CACNB1: variants seen among roughly 807,000 people sequenced by gnomAD.
CACNB1 encodes the protein calcium voltage-gated channel auxiliary subunit beta 1.
CACNB1 carries 29 observed loss-of-function variants against 71.6 expected under a neutral mutation model. The ratio of observed to expected loss-of-function variants is 0.40; its 90% CI spans 0.30 to 0.55. The LOEUF is 0.55. CACNB1 is among the 20% of genes least tolerant of loss of function. CACNB1 has a pLI of 0.38. For missense variants in CACNB1, 623 were observed against 801.8 expected (o/e 0.78, Z 2.69); for synonymous variants, 300 against 319.6 (o/e 0.94, Z 0.65).
In CACNB1 at chr17:39,191,128, C is replaced by A. The variant is rs541991402; in HGVS notation, c.291+346G>T. Among the ~76,000 whole-genome samples the A allele has an allele frequency of 3.9e-5, 6 of 152,058 alleles. No individual in the cohort carries two copies. In the East Asian group the frequency reaches 7.7e-4, roughly 20 times the overall value. ...CTGAGGCAGGAGAATGGCGTGAACC[C>A]GGGAGGCGGAGCTTGCAGTGAGCCG... On this transcript the variant is annotated intron_variant, in intron 3 of 13. Transcript: ENST00000394303.
chr17:39,189,895 A>G (rs1320436855), intron 3 of CACNB1, among the ~76,000 whole-genome samples: 1 of 137,056 alleles, frequency 7.3e-6, no homozygotes, highest in Non-Finnish European at 1.6e-5. Flanking sequence ...GCAGATCACC[A>G]GGTCAGGAGT....
chr17:39,192,251 A>G (rs2046098823), intron 2 of CACNB1: 1 of 152,742 alleles, frequency 6.5e-6, no homozygotes, highest in African/African-American at 2.4e-5. Flanking sequence ...CGAAGAGGCA[A>G]GTTAAGAGCA....
Position 39,197,438 on chromosome 17 carries a change from T to G in CACNB1, c.58A>C (p.Met20Leu). 5 of 1,480,192 alleles carry G rather than the reference T, an allele frequency of 3.4e-6. No homozygotes were observed. Among genetic ancestry groups the G allele is most frequent in the Non-Finnish European group, 4.5e-6 (5 of 1,119,880 alleles). The allele number at this position is 1,480,192 out of a possible 1,614,324, so 91.7% of individuals were successfully genotyped here. A position where few individuals can be genotyped will look rare whatever the true frequency, so the allele number is the denominator to read the frequency against. ...TGCGGGCTGGGGTCGAAGACCTCCA[T>G]GGGGATCTCCTGGGAGGGTGGGTAA... ...GPYPPSQEIP[M>L]EVFDPSPQGK... The change falls in exon 1 of 14, where the codon ATG (methionine) becomes CTG (leucine). Residue 20 changes from methionine to leucine, a missense_variant. By Grantham distance (15) the Met-to-Leu change is conservative (BLOSUM62 2). Transcript: ENST00000394303.
At position 39,187,572 on chromosome 17, in the gene CACNB1, T is replaced by C. The variant is rs1350008452; in HGVS notation, c.321A>G (p.Thr107=). Reference sequence around the variant, plus strand: ...CTGGAGACGGATTGTAGCCAACATTTGTCCGCACAGCAAATGCCACTGGCT... The same window carrying C: ...CTGGAGACGGATTGTAGCCAACATTCGTCCGCACAGCAAATGCCACTGGCT... ...KTKPVAFAVR[T]NVGYNPSPGD... The change falls in exon 4 of 14, where the codon ACA becomes ACG. Residue 107 remains threonine, a synonymous_variant. Coordinates refer to ENST00000394303, the MANE Select transcript of CACNB1 (RefSeq NM_000723.5). 6.2e-7 allele frequency: 1 copy of C among 1,614,066 alleles called. No homozygotes were observed. Among genetic ancestry groups the C allele is most frequent in the African/African-American group, 1.3e-5 (1 of 74,926 alleles).
At chr17:39,188,571 C>CA (rs35050861) in intron 3 of CACNB1, among the ~76,000 whole-genome samples, 32 of 112,694 alleles carry the variant, frequency 2.8e-4, no homozygotes, top group Non-Finnish European at 3.5e-4. Context: ...GAGACTCCGT[C>CA]AAAAAAAAAA....
At position 39,197,633 on chromosome 17, in the gene CACNB1, C is replaced by T. The variant is rs916281921; in HGVS notation, c.-138G>A. On this transcript the variant is annotated 5_prime_UTR_variant, in exon 1 of 14. Coordinates refer to ENST00000394303, the MANE Select transcript of CACNB1 (RefSeq NM_000723.5). ...ACCCAGCTCGGCCTTCGGCTGCCTC[C>T]TTCCTGCCTTCCCTCGCTCCTCCCG... 2 of 597,888 alleles carry T rather than the reference C, an allele frequency of 3.3e-6. No individual in the cohort carries two copies. The highest frequency in any genetic ancestry group is 5.7e-6 in the Non-Finnish European group (2 of 350,800). 37.0% of individuals were successfully genotyped at this position (597,888 alleles called of 1,614,324 possible). A position where few individuals can be genotyped will look rare whatever the true frequency, so the allele number is the denominator to read the frequency against.
intron 4 of CACNB1, 151 bp from the exon 5 acceptor site, chr17:39,187,080 T>C: frequency 3.9e-6 from 3 of 762,326 alleles, no homozygotes; most frequent in Non-Finnish European, 6.3e-6. Context: ...AGCCTCTGAG[T>C]GGAGCTGCCA....
At chr17:39,191,684 C>T (rs1354290322) in intron 2 of CACNB1, 91 bp from the exon 3 acceptor site, 36 of 1,367,376 alleles carry the variant, frequency 2.6e-5, no homozygotes, top group Non-Finnish European at 1.7e-5. Flanking sequence ...ATCATGGATG[C>T]CTCGAGCCCC....
chr17:39,193,703 T>C (rs557350789), intron 2 of CACNB1: 255 of 222,674 alleles, frequency 1.1e-3, no homozygotes, highest in African/African-American at 5.1e-3. Context: ...GGGGTCTGAC[T>C]CCCTGGGTTG....
rs753569586 is a variant in CACNB1 at position 39,186,805 on chromosome 17, C to T, written c.539G>A (p.Arg180His). Reference protein sequence around the residue: ...LLQEQKLRQNRLGSSKSGDNS... With the variant: ...LLQEQKLRQNHLGSSKSGDNS... ...CCCACCCAGACACCTGGAGCCGAGG[C>T]GGTTCTGGCGCAGCTTCTGTTCCTG... Residue 180 changes from arginine (R) to histidine (H), a missense_variant, in exon 5 of 14, where the codon CGC (arginine) becomes CAC (histidine). By Grantham distance (29) the Arg-to-His change is conservative. Transcript: ENST00000394303. The surrounding 1 kb of genome is among the most constrained non-coding windows in gnomAD (Gnocchi z 4.1). 5.0e-6 allele frequency: 8 copies of T among 1,613,906 alleles called. No homozygotes were observed. In the South Asian group the frequency reaches 6.6e-5, roughly 13 times the overall value.
intron 3 of CACNB1, among the ~76,000 whole-genome samples, chr17:39,188,617 T>C (rs1413745368): frequency 6.6e-6 from 1 of 151,848 alleles, no homozygotes; most frequent in Non-Finnish European, 1.5e-5. Context: ...GTTTTCTCCA[T>C]GTATATTAAC....
intron 11 of CACNB1, among the ~76,000 whole-genome samples, chr17:39,180,576 AC>A (rs2045728275): frequency 6.6e-6 from 1 of 151,720 alleles, no homozygotes; most frequent in Non-Finnish European, 1.5e-5. Context: ...AATCACTTGA[AC>A]CTGGGAGGCA....
At position 39,193,471 on chromosome 17, in the gene CACNB1, G is replaced by A. The variant is rs574215108; in HGVS notation, c.171+1413C>T. The A allele has an allele frequency of 8.6e-4, 392 of 453,648 alleles. 1 individual carries two copies. The highest frequency in any genetic ancestry group is 5.1e-3 in the African/African-American group (256 of 49,776). 28.1% of individuals were successfully genotyped at this position (453,648 alleles called of 1,614,324 possible). A position where few individuals can be genotyped will look rare whatever the true frequency, so the allele number is the denominator to read the frequency against. ...CACCACCACCACGGTCCGGCTGGGC[G>A]CCTCCATCCCGGCACCCTCAGTGCC... On this transcript the variant is annotated intron_variant, in intron 2 of 13. Transcript: ENST00000394303.
Position 39,186,424 on chromosome 17 carries a change from G to A in CACNB1, c.628+72C>T. 9.0e-7 allele frequency: 1 copy of A among 1,105,832 alleles called. No individual in the cohort carries two copies. Among genetic ancestry groups the A allele is most frequent in the Non-Finnish European group, 1.3e-6 (1 of 748,568 alleles). 68.5% of individuals were successfully genotyped at this position (1,105,832 alleles called of 1,614,324 possible). ...GGTGTTTCCTACTGCAGGGAAAGGA[G>A]GATTCAGGGAGTGGGGAGACCACCC... On this transcript the variant is annotated intron_variant, in intron 6 of 13. Coordinates refer to ENST00000394303, the MANE Select transcript of CACNB1 (RefSeq NM_000723.5). The surrounding 1 kb of genome is among the most constrained non-coding windows in gnomAD (Gnocchi z 4.1).
At chr17:39,184,988 C>G (rs1035163253) in intron 7 of CACNB1, 124 bp from the exon 8 acceptor site, 1 of 970,292 alleles carries the variant, frequency 1.0e-6, no homozygotes, top group Non-Finnish European at 1.7e-6. Context: ...ATGTAGGGAT[C>G]AGGGTGGGGG....
At position 39,183,727 on chromosome 17, in the gene CACNB1, T is replaced by C; in HGVS notation, c.1036A>G (p.Ile346Val). 1 of 1,606,592 alleles carries C rather than the reference T, an allele frequency of 6.2e-7. No homozygotes were observed. Among genetic ancestry groups the C allele is most frequent in the East Asian group, 2.2e-5 (1 of 44,652 alleles). ...SLAPIIVYIK[I>V]TSPKVLQRLI... ...CCTGCACCCACCTTGGGAGAGGTGA[T>C]CTTGATGTAAACAATGATGGGGGCC... Residue 346 changes from isoleucine to valine, a missense_variant, in exon 11 of 14, where the codon ATC (isoleucine) becomes GTC (valine). Transcript: ENST00000394303.
chr17:39,175,425 A>G lies in CACNB1; in HGVS notation c.1565T>C (p.Met522Thr). 4 of 1,614,110 alleles carry G rather than the reference A, an allele frequency of 2.5e-6. No homozygotes were observed. The highest frequency in any genetic ancestry group is 2.5e-6 in the Non-Finnish European group (3 of 1,180,006). ...YTELGDSCVD[M>T]ETDPSEGPGL... ...TGGCCCCTCTGAGGGGTCAGTCTCC[A>G]TGTCCACACATGAGTCTCCCAGCTC... The change falls in exon 14 of 14, where the codon ATG becomes ACG. Residue 522 changes from methionine (M) to threonine (T), a missense_variant. Transcript: ENST00000394303. The surrounding 1 kb of genome is among the most constrained non-coding windows in gnomAD (Gnocchi z 4.7).
In CACNB1 at chr17:39,174,973, C is replaced by T. The variant is rs2045538812; in HGVS notation, c.*220G>A. The T allele has an allele frequency of 7.0e-6, 4 of 570,256 alleles. No individual in the cohort carries two copies. The highest frequency in any genetic ancestry group is 3.1e-6 in the Non-Finnish European group (1 of 323,250). The allele number at this position is 570,256 out of a possible 1,614,324, so 35.3% of individuals were successfully genotyped here. ...ACACTTCAGAAAGGTGGGTATCCCC[C>T]ATCCATCCACAACAGGCAGGTAAAA... On this transcript the variant is annotated 3_prime_UTR_variant, in exon 14 of 14. Transcript: ENST00000394303.
intron 13 of CACNB1, 111 bp downstream of exon 13, chr17:39,177,239 C>A (rs768997889): frequency 1.3e-6 from 2 of 1,574,226 alleles, no homozygotes; most frequent in Non-Finnish European, 1.7e-6. Context: ...ACGGGCAGGG[C>A]GCCCACTACA....
Sources: allele counts gnomAD v4.1 joint callset (sites outside exome capture counted in the v4.1 genomes callset), GRCh38; gene constraint gnomAD v4.1.1; non-coding constraint Gnocchi (gnomAD v3.1); transcripts MANE v1.5; gene names NCBI Gene and HGNC (gene_info 2026-07-23, HGNC 2026-07-21).